Variants in CFAP20DC observed in about 807,000 individuals in gnomAD.
CFAP20DC encodes CFAP20 domain containing, also known as protein CFAP20DC.
In CFAP20DC, 84 loss-of-function variants were observed where a neutral mutation model predicts 101.7. The observed-to-expected ratio is 0.83, with a 90% CI of 0.69 to 0.99. The LOEUF (loss-of-function observed/expected upper bound fraction) is 0.99. Ranked by LOEUF, CFAP20DC falls within the 50% of genes least tolerant of loss-of-function variation. The pLI is 0.00. For missense variants in CFAP20DC, 1,007 were observed against 970.3 expected, an observed-to-expected ratio of 1.04 and a Z score of -0.50; for synonymous variants, 359 against 351.2, an observed-to-expected ratio of 1.02 and a Z score of -0.25.
intron 6 of CFAP20DC, among the ~76,000 whole-genome samples, chr3:58,889,198 A>G (rs1001534504): frequency 6.6e-6 from 1 of 152,206 alleles, no homozygotes; most frequent in African/African-American, 2.4e-5. Flanking sequence ...TCAAGGGCCG[A>G]CTAGACATGT....
chr3:58,768,712 C>T (rs527289004), intron 15 of CFAP20DC, among the ~76,000 whole-genome samples: 2 of 152,236 alleles, frequency 1.3e-5, no homozygotes, highest in South Asian at 4.1e-4. Flanking sequence ...GTTCTATTGC[C>T]CCAGCATTTT....
intron 14 of CFAP20DC, among the ~76,000 whole-genome samples, chr3:58,813,020 A>C (rs541714504): frequency 2.0e-5 from 3 of 152,006 alleles, no homozygotes; most frequent in African/African-American, 7.3e-5. Flanking sequence ...CAGAAAATAC[A>C]TTTAGTCTCA....
chr3:58,758,642 C>G (rs981682760), intron 15 of CFAP20DC, among the ~76,000 whole-genome samples: 3 of 152,118 alleles, frequency 2.0e-5, no homozygotes, highest in African/African-American at 7.2e-5. Context: ...CACCCATTAA[C>G]TCGTCATTTA....
intron 3 of CFAP20DC, among the ~76,000 whole-genome samples, chr3:58,735,858 A>G (rs1575521472): frequency 6.6e-6 from 1 of 152,254 alleles, no homozygotes; most frequent in East Asian, 1.9e-4. Context: ...ATTACCAGTG[A>G]TAATGTATTT....
chr3:58,851,236 C>T (rs1183600921), intron 12 of CFAP20DC, among the ~76,000 whole-genome samples: 3 of 152,046 alleles, frequency 2.0e-5, no homozygotes, highest in East Asian at 1.9e-4. Flanking sequence ...CATGGGTATA[C>T]GTTTATGGAT....
At position 58,937,637 on chromosome 3, in the gene CFAP20DC, G is replaced by A; in HGVS notation, c.393+11C>T. 6.8e-7 allele frequency: 1 copy of A among 1,477,014 alleles called. No individual in the cohort carries two copies. Among genetic ancestry groups the A allele is most frequent in the Non-Finnish European group, 9.5e-7 (1 of 1,055,144 alleles). The allele number at this position is 1,477,014 out of a possible 1,614,324, so 91.5% of individuals were successfully genotyped here. On this transcript the variant is annotated intron_variant, in intron 5 of 16. Coordinates refer to ENST00000482387, the MANE Select transcript of CFAP20DC (RefSeq NM_001394063.1). ...ATTTAATATTTTAGGCAACATTCATGTGATACTTACAATTTTACGTTTGAT... is the reference window on the plus strand; with the variant it reads ...ATTTAATATTTTAGGCAACATTCATATGATACTTACAATTTTACGTTTGAT...
At chr3:58,989,345 T>C (rs1016591218) in intron 4 of CFAP20DC, among the ~76,000 whole-genome samples, 3 of 152,146 alleles carry the variant, frequency 2.0e-5, no homozygotes, top group Non-Finnish European at 2.9e-5. Flanking sequence ...ATGTACTTAG[T>C]AAGAACATGC....
chr3:58,950,582 A>T (rs1182792894), intron 4 of CFAP20DC, among the ~76,000 whole-genome samples: 1 of 152,182 alleles, frequency 6.6e-6, no homozygotes, highest in Non-Finnish European at 1.5e-5. Context: ...AATGGAACAG[A>T]ACAGAACTCT....
At position 59,007,480 on chromosome 3, in the gene CFAP20DC, G is replaced by A. The variant is rs2093464819; in HGVS notation, c.278+32077C>T. ...ACAGAATAATCTGGCTCCCAGCAAGGAGAAAACAACAGCTATGGCTAACAA... is the reference window on the plus strand; with the variant it reads ...ACAGAATAATCTGGCTCCCAGCAAGAAGAAAACAACAGCTATGGCTAACAA... On this transcript the variant is annotated intron_variant, in intron 4 of 16. Transcript: ENST00000482387. This position sits in a 1 kb window ranked among gnomAD's most constrained non-coding sequence, Gnocchi z 4.4. Among the ~76,000 whole-genome samples, 1 of 152,214 alleles carries A rather than the reference G, an allele frequency of 6.6e-6. No homozygotes were observed. The highest frequency in any genetic ancestry group is 6.5e-5 in the Admixed American group (1 of 15,282).
intron 13 of CFAP20DC, among the ~76,000 whole-genome samples, chr3:58,841,724 C>A (rs1324769112): frequency 6.6e-6 from 1 of 152,152 alleles, no homozygotes; most frequent in African/African-American, 2.4e-5. Context: ...TTTTACAATT[C>A]TTTTCCTATT....
chr3:58,761,502 A>AT (rs1299818507), intron 15 of CFAP20DC, among the ~76,000 whole-genome samples: 1 of 151,962 alleles, frequency 6.6e-6, no homozygotes, highest in African/African-American at 2.4e-5. Flanking sequence ...GGATTCATTG[A>AT]TTTTTTTGAA....
Position 58,861,334 on chromosome 3 carries a change from T to G in CFAP20DC, c.1593+2224A>C. 1.3e-6 allele frequency: 1 copy of G among 742,872 alleles called. No individual in the cohort carries two copies. Among genetic ancestry groups the G allele is most frequent in the Non-Finnish European group, 1.6e-6 (1 of 608,876 alleles). The allele number at this position is 742,872 out of a possible 1,614,324, so 46.0% of individuals were successfully genotyped here. On this transcript the variant is annotated intron_variant, in intron 12 of 16. Coordinates refer to ENST00000482387, the MANE Select transcript of CFAP20DC (RefSeq NM_001394063.1). This position sits in a 1 kb window ranked among gnomAD's most constrained non-coding sequence, Gnocchi z 4.0. The stretch of plus-strand genomic sequence containing the variant: ...TTTACAACTTGACATTATGTTTTCC[T>G]GAAGTATAATTATACAAAGATAAGG...
In CFAP20DC at chr3:58,806,422, A is replaced by G; in HGVS notation, c.2210T>C (p.Met737Thr). ...VNQGRHYQKE[M>T]NPPSPSNPRD... ...GGGATTAGAAGGAGAAGGTGGGTTC[A>G]TTTCTTTCTGATAGTGGCGACCCTG... Residue 737 changes from methionine (M) to threonine (T), a missense_variant, in exon 15 of 17, where the codon ATG (methionine) becomes ACG (threonine). Transcript: ENST00000482387. 6.2e-7 allele frequency: 1 copy of G among 1,611,804 alleles called. No homozygotes were observed. Among genetic ancestry groups the G allele is most frequent in the Non-Finnish European group, 8.5e-7 (1 of 1,177,960 alleles).
In CFAP20DC at chr3:58,814,114, T is replaced by C. The variant is rs1048977584; in HGVS notation, c.2176-7658A>G. Among the ~76,000 whole-genome samples, 2 of 151,872 alleles carry C rather than the reference T, an allele frequency of 1.3e-5. 1 individual carries two copies. Among genetic ancestry groups the C allele is most frequent in the African/African-American group, 4.9e-5 (2 of 41,202 alleles). Reference sequence around the variant, plus strand: ...TCCAGTGAATGGACCTCTGCCTATTTATTTTTAGAGGCATTTCCATGACTC... The same window carrying C: ...TCCAGTGAATGGACCTCTGCCTATTCATTTTTAGAGGCATTTCCATGACTC... On this transcript the variant is annotated intron_variant, in intron 14 of 16. Coordinates refer to ENST00000482387, the MANE Select transcript of CFAP20DC (RefSeq NM_001394063.1).
At chr3:59,018,387 C>A (rs1405130006) in intron 4 of CFAP20DC, 1 of 152,050 alleles carries the variant, frequency 6.6e-6, no homozygotes, top group Non-Finnish European at 1.5e-5. Flanking sequence ...ACAAATGACT[C>A]AACTAATATT....
intron 4 of CFAP20DC, chr3:58,953,637 A>T (rs1256767222): frequency 6.6e-6 from 1 of 152,188 alleles, no homozygotes; most frequent in African/African-American, 2.4e-5. Flanking sequence ...TTGCTACTTT[A>T]AAAAAATTAA....
intron 15 of CFAP20DC, among the ~76,000 whole-genome samples, chr3:58,784,693 C>T (rs992133067): frequency 7.9e-5 from 12 of 152,052 alleles, no homozygotes; most frequent in Non-Finnish European, 1.8e-4. Flanking sequence ...AGTAATGAGA[C>T]TGCTGGGTCA....
intron 13 of CFAP20DC, among the ~76,000 whole-genome samples, chr3:58,836,042 A>G (rs1444535169): frequency 6.6e-6 from 1 of 152,146 alleles, no homozygotes; most frequent in East Asian, 1.9e-4. Flanking sequence ...GCTATGTACA[A>G]TTCAGCTGTG....
At chr3:58,931,865 A>G (rs1262918397) in intron 5 of CFAP20DC, among the ~76,000 whole-genome samples, 12 of 152,214 alleles carry the variant, frequency 7.9e-5, no homozygotes, top group Admixed American at 4.6e-4. Flanking sequence ...AAAGCAGAGC[A>G]CCTCTCCTCC....
Sources: allele counts gnomAD v4.1 joint callset (sites outside exome capture counted in the v4.1 genomes callset), GRCh38; gene constraint gnomAD v4.1.1; non-coding constraint Gnocchi (gnomAD v3.1); transcripts MANE v1.5; gene names NCBI Gene and HGNC (gene_info 2026-07-23, HGNC 2026-07-21).